Variants in ANKRD36 observed in about 807,000 individuals in gnomAD.
ANKRD36 encodes the protein ankyrin repeat domain 36.
A neutral mutation model predicts 278.1 loss-of-function variants in ANKRD36; 179 were observed. The ratio of observed to expected loss-of-function variants is 0.64; its 90% confidence interval spans 0.57 to 0.73. The LOEUF is 0.73. ANKRD36 is among the 30% of genes least tolerant of loss of function. ANKRD36 has a pLI of 0.00. For missense variants in ANKRD36, 1,159 were observed against 1,956.7 expected, an observed-to-expected ratio of 0.59 and a Z score of 7.69; for synonymous variants, 320 against 641.1, an observed-to-expected ratio of 0.50 and a Z score of 7.57.
In ANKRD36 at chr2:97,179,907, T is replaced by C; in HGVS notation, c.1709T>C (p.Ile570Thr). ...KDSVSNIATE[I>T]KEGPISGTVS... ...TCTGTTTCAAATATAGCCACAGAAA[T>C]AAAGGAGGGACCAATATCTGGGACA... The change falls in exon 24 of 76, where the codon ATA (isoleucine) becomes ACA (threonine). Residue 570 changes from isoleucine to threonine, a missense_variant. Ile to Thr is a moderately conservative substitution (Grantham distance 89). Transcript: ENST00000420699. 6.2e-7 allele frequency: 1 copy of C among 1,605,890 alleles called. No individual in the cohort carries two copies. Among genetic ancestry groups the C allele is most frequent in the Non-Finnish European group, 8.5e-7 (1 of 1,178,292 alleles).
intron 46 of ANKRD36, among the ~76,000 whole-genome samples, chr2:97,201,589 A>G (rs1252159486): frequency 1.3e-5 from 2 of 152,072 alleles, no homozygotes; most frequent in Admixed American, 6.6e-5. Flanking sequence ...AGTGGATACA[A>G]GAAGCTTATG....
intron 75 of ANKRD36, among the ~76,000 whole-genome samples, chr2:97,260,347 G>GAC (rs1322366503): frequency 8.5e-6 from 1 of 117,648 alleles, no homozygotes; most frequent in African/African-American, 3.2e-5. Flanking sequence ...TATTTTAAAA[G>GAC]ATATATATAT....
intron 50 of ANKRD36, 39 bp from the exon 51 acceptor site, chr2:97,205,900 AT>A: frequency 6.5e-7 from 1 of 1,528,316 alleles, no homozygotes. Flanking sequence ...TCTTTATCAT[AT>A]TTACATATGA....
intron 22 of ANKRD36, among the ~76,000 whole-genome samples, chr2:97,172,777 A>G (rs72493425): frequency 3.2e-5 from 4 of 124,450 alleles, no homozygotes; most frequent in African/African-American, 6.2e-5. Flanking sequence ...GGCAAATAGG[A>G]CTTTGATGAA....
Position 97,193,143 on chromosome 2 carries a change from G to A in ANKRD36, c.2449+90G>A, listed in dbSNP as rs536864609. The A allele has an allele frequency of 2.1e-4, 261 of 1,247,808 alleles. 7 individuals carry two copies. The South Asian group carries it at 2.7e-3, about 13-fold the overall frequency. The allele number at this position is 1,247,808 out of a possible 1,614,324, so 77.3% of individuals were successfully genotyped here. A position where few individuals can be genotyped will look rare whatever the true frequency, so the allele number is the denominator to read the frequency against. On this transcript the variant is annotated intron_variant, in intron 38 of 75. Coordinates refer to ENST00000420699, the MANE Select transcript of ANKRD36 (RefSeq NM_001354587.1). ...ATAAATCAGCGGGGGGCTCGTTGAA[G>A]CTGCACATTCTGATTCAGCAGTCCT...
rs201655336 is a variant in ANKRD36, at chr2:97,113,736, G to C, written c.-4G>C. 2,009 of 1,608,458 alleles carry C rather than the reference G, an allele frequency of 1.2e-3. 29 individuals carry two copies. The highest frequency in any genetic ancestry group is 7.6e-3 in the Middle Eastern group (46 of 6,038). The stretch of plus-strand genomic sequence containing the variant: ...CTGCAGGCTACAATTTGCAGCCGAC[G>C]ATTATGGAAGACGGCAAGCGGGAGA... On this transcript the variant is annotated 5_prime_UTR_variant, in exon 1 of 76. Coordinates refer to ENST00000420699, the MANE Select transcript of ANKRD36 (RefSeq NM_001354587.1).
At chr2:97,226,500 G>A (rs1403155301) in intron 67 of ANKRD36, among the ~76,000 whole-genome samples, 33 of 150,330 alleles carry the variant, frequency 2.2e-4, no homozygotes, top group African/African-American at 4.7e-4. Context: ...AATTTGTTTG[G>A]GTTCATTGTA....
At chr2:97,193,458 A>G (rs771698221) in intron 38 of ANKRD36, among the ~76,000 whole-genome samples, 3 of 122,060 alleles carry the variant, frequency 2.5e-5, no homozygotes, top group East Asian at 2.1e-4. Flanking sequence ...TAGACACTGT[A>G]GGAGAACTAA....
intron 22 of ANKRD36, among the ~76,000 whole-genome samples, chr2:97,172,857 G>GTGTGTT (rs1233952119): frequency 0.012 from 1,703 of 147,202 alleles, no homozygotes; most frequent in Non-Finnish European, 0.019. Flanking sequence ...GTGTGTGTGT[G>GTGTGTT]TATGTGTGTG....
chr2:97,145,058 G>A (rs781553175), intron 10 of ANKRD36, among the ~76,000 whole-genome samples: 8 of 151,906 alleles, frequency 5.3e-5, no homozygotes, highest in Admixed American at 2.0e-4. Flanking sequence ...AATTATAGGC[G>A]CCTGATCACA....
chr2:97,252,470 TTA>T (rs537641261), intron 75 of ANKRD36: 1 of 84,422 alleles, frequency 1.2e-5, no homozygotes, highest in Non-Finnish European at 2.2e-5. Context: ...CTTTAACTTT[TTA>T]TTTTTTTATT....
chr2:97,185,123 G>A (rs1209474463), intron 28 of ANKRD36, among the ~76,000 whole-genome samples, 193 bp from the exon 29 acceptor site: 5 of 151,600 alleles, frequency 3.3e-5, no homozygotes, highest in Non-Finnish European at 7.4e-5. Context: ...GACATTGTAA[G>A]GGTTTATTTT....
intron 6 of ANKRD36, among the ~76,000 whole-genome samples, chr2:97,134,749 G>A (rs2041048371): frequency 6.6e-6 from 1 of 151,984 alleles, no homozygotes; most frequent in Non-Finnish European, 1.5e-5. Context: ...GCTCCAGTGA[G>A]TTTATGGTTC....
intron 54 of ANKRD36, among the ~76,000 whole-genome samples, chr2:97,209,011 A>G (rs1335413780): frequency 6.8e-6 from 1 of 146,756 alleles, no homozygotes; most frequent in Admixed American, 6.7e-5. Context: ...CTAATATATT[A>G]TCCTTTGGTG....
At chr2:97,140,595 TG>T (rs1368151755) in intron 6 of ANKRD36, among the ~76,000 whole-genome samples, 1 of 152,084 alleles carries the variant, frequency 6.6e-6, no homozygotes, top group East Asian at 1.9e-4. Context: ...AGAACAGCTG[TG>T]AAAGAGTGTC....
chr2:97,117,732 A>G (rs1039824667), intron 1 of ANKRD36, among the ~76,000 whole-genome samples: 1 of 152,098 alleles, frequency 6.6e-6, no homozygotes, highest in Non-Finnish European at 1.5e-5. Flanking sequence ...TGCTGTGCAT[A>G]GATTCTTATG....
At chr2:97,224,066 TTGA>T in intron 66 of ANKRD36, among the ~76,000 whole-genome samples, 1 of 148,164 alleles carries the variant, frequency 6.7e-6, no homozygotes, top group East Asian at 2.0e-4. Flanking sequence ...AGACTGTACA[TTGA>T]TGAAAGTGTA....
intron 67 of ANKRD36, among the ~76,000 whole-genome samples, chr2:97,226,619 C>G (rs1478887593): frequency 1.3e-5 from 2 of 152,030 alleles, no homozygotes; most frequent in Non-Finnish European, 2.9e-5. Flanking sequence ...TGCAAAATCT[C>G]TTCAGTTTAA....
chr2:97,210,229 C>T (rs2064051514), intron 56 of ANKRD36, among the ~76,000 whole-genome samples: 1 of 151,844 alleles, frequency 6.6e-6, no homozygotes, highest in Non-Finnish European at 1.5e-5. Context: ...TCACATCGTA[C>T]TGCTAAAAAC....
Sources: allele counts gnomAD v4.1 joint callset (sites outside exome capture counted in the v4.1 genomes callset), GRCh38; gene constraint gnomAD v4.1.1; transcripts MANE v1.5; gene names NCBI Gene and HGNC (gene_info 2026-07-23, HGNC 2026-07-21).